INSYN2A: variants seen among roughly 807,000 people sequenced by gnomAD.
INSYN2A encodes the protein family with sequence similarity 196 member A.
In INSYN2A, 17 loss-of-function variants were observed where a neutral mutation model predicts 39.4. The ratio of observed to expected loss-of-function variants is 0.43; its 90% CI spans 0.30 to 0.65. INSYN2A has a LOEUF of 0.65. INSYN2A is among the 30% of genes least tolerant of loss of function. The pLI is 0.14. For missense variants in INSYN2A, 595 were observed against 631.2 expected (o/e 0.94, Z 0.61); for synonymous variants, 255 against 265.7 (o/e 0.96, Z 0.39).
chr10:127,162,448 T>C (rs1179018634), intron 4 of INSYN2A, among the ~76,000 whole-genome samples: 1 of 152,202 alleles, frequency 6.6e-6, no homozygotes, highest in East Asian at 1.9e-4. Flanking sequence ...CCTGGCAACC[T>C]CAACACAAAT....
chr10:127,174,497 C>T (rs767699898), intron 4 of INSYN2A, among the ~76,000 whole-genome samples: 70 of 152,136 alleles, frequency 4.6e-4, no homozygotes, highest in Non-Finnish European at 7.3e-4. Context: ...AACTTCAAAA[C>T]ATGAAGTGCA....
At chr10:127,192,504 C>A (rs1012217042) in intron 2 of INSYN2A, 101 bp downstream of exon 2, 1 of 152,180 alleles carries the variant, frequency 6.6e-6, no homozygotes, top group Non-Finnish European at 1.5e-5. Context: ...CATCTGATAA[C>A]ATCTTTATAC....
At chr10:127,145,669 G>A (rs2051744542) in intron 5 of INSYN2A, among the ~76,000 whole-genome samples, 1 of 152,086 alleles carries the variant, frequency 6.6e-6, no homozygotes, top group Admixed American at 6.5e-5. Flanking sequence ...TAGAGACATG[G>A]GTGACGTCCC....
chr10:127,142,690 A>T (rs2133313049), intron 5 of INSYN2A, among the ~76,000 whole-genome samples: 1 of 152,288 alleles, frequency 6.6e-6, no homozygotes, highest in South Asian at 2.1e-4. Context: ...TTACCTTTGT[A>T]GCCCTCTCGC....
chr10:127,180,564 A>T (rs2055628057), intron 2 of INSYN2A, among the ~76,000 whole-genome samples: 1 of 152,212 alleles, frequency 6.6e-6, no homozygotes, highest in African/African-American at 2.4e-5. Flanking sequence ...ATTAAATTTC[A>T]TAATCAAAGT....
intron 2 of INSYN2A, among the ~76,000 whole-genome samples, chr10:127,178,467 A>G (rs1411547311): frequency 6.6e-6 from 1 of 152,132 alleles, no homozygotes; most frequent in Admixed American, 6.6e-5. Flanking sequence ...GCTCCCTCCC[A>G]GTGTGACAAC....
At position 127,175,380 on chromosome 10, in the gene INSYN2A, G is replaced by A. The variant is rs144141274; in HGVS notation, c.1016C>T (p.Ala339Val). The change falls in exon 4 of 6, where the codon GCG becomes GTG. Residue 339 changes from alanine (A) to valine (V), a missense_variant. Ala to Val is a moderately conservative substitution (Grantham distance 64). Coordinates refer to ENST00000522781, the MANE Select transcript of INSYN2A (RefSeq NM_001039762.3). This position sits in a 1 kb window ranked among gnomAD's most constrained non-coding sequence, Gnocchi z 6.3. ...TTGGCATTCTTCACCTGCAGCAACC[G>A]CTGTGGGACTAGGCTGGTTCCCCAG... Reference protein sequence around the residue: ...PGLGNQPSPTAVAAGEECQRI... With the variant: ...PGLGNQPSPTVVAAGEECQRI... 55 of 1,613,902 alleles carry A rather than the reference G, an allele frequency of 3.4e-5. No homozygotes were observed. In the African/African-American group the frequency reaches 5.7e-4, roughly 17 times the overall value.
At chr10:127,155,441 C>T (rs555655537) in intron 4 of INSYN2A, among the ~76,000 whole-genome samples, 1 of 152,292 alleles carries the variant, frequency 6.6e-6, no homozygotes, top group South Asian at 2.1e-4. Flanking sequence ...ATTGGAATTA[C>T]AGTATGGCTG....
intron 4 of INSYN2A, among the ~76,000 whole-genome samples, chr10:127,172,724 G>A (rs951549180): frequency 6.6e-6 from 1 of 152,186 alleles, no homozygotes; most frequent in African/African-American, 2.4e-5. Context: ...CCGTGAGCTT[G>A]TGCTGGCAGC....
At chr10:127,158,782 A>G (rs1424177958) in intron 4 of INSYN2A, among the ~76,000 whole-genome samples, 2 of 152,190 alleles carry the variant, frequency 1.3e-5, no homozygotes, top group Admixed American at 6.5e-5. Context: ...GGCATTCACT[A>G]TGTATCGTCC....
chr10:127,146,913 G>C (rs750952086), intron 5 of INSYN2A, among the ~76,000 whole-genome samples: 2 of 152,162 alleles, frequency 1.3e-5, no homozygotes, highest in Non-Finnish European at 2.9e-5. Flanking sequence ...TCTGCCGGCT[G>C]TCTTGATCGT....
intron 4 of INSYN2A, among the ~76,000 whole-genome samples, chr10:127,170,224 T>G (rs891747667): frequency 6.6e-6 from 1 of 152,180 alleles, no homozygotes; most frequent in Non-Finnish European, 1.5e-5. Context: ...TTTTCTGTTT[T>G]TAATCATACT....
At chr10:127,141,817 T>G (rs1221911540) in intron 5 of INSYN2A, among the ~76,000 whole-genome samples, 1 of 152,228 alleles carries the variant, frequency 6.6e-6, no homozygotes, top group Non-Finnish European at 1.5e-5. Context: ...CAAATAGGGC[T>G]CTGCCTGGAG....
chr10:127,137,785 T>G lies in INSYN2A; in HGVS notation c.*52A>C. 1.3e-6 allele frequency: 2 copies of G among 1,522,504 alleles called. No individual in the cohort carries two copies. The highest frequency in any genetic ancestry group is 2.3e-5 in the East Asian group (1 of 44,340). The allele number at this position is 1,522,504 out of a possible 1,614,324, so 94.3% of individuals were successfully genotyped here. A position where few individuals can be genotyped will look rare whatever the true frequency, so the allele number is the denominator to read the frequency against. ...TATTCATTTTGGAAAAGTATTGACTTAAACTCCAGTGGGTTCTAAAGACGG... is the reference window on the plus strand; with the variant it reads ...TATTCATTTTGGAAAAGTATTGACTGAAACTCCAGTGGGTTCTAAAGACGG... On this transcript the variant is annotated 3_prime_UTR_variant, in exon 6 of 6. Coordinates refer to ENST00000522781, the MANE Select transcript of INSYN2A (RefSeq NM_001039762.3).
At chr10:127,184,660 A>C (rs910743307) in intron 2 of INSYN2A, among the ~76,000 whole-genome samples, 1 of 152,156 alleles carries the variant, frequency 6.6e-6, no homozygotes, top group Non-Finnish European at 1.5e-5. Context: ...TTGGCTACTC[A>C]GAAATGCTCC....
At position 127,148,779 on chromosome 10, in the gene INSYN2A, A is replaced by T. The variant is rs192435174; in HGVS notation, c.1256+5073T>A. ...ATTACGGCATATTTTGACAAGAAATATGGAAGATAAGCCAGAAAAGTTTTC... is the reference window on the plus strand; with the variant it reads ...ATTACGGCATATTTTGACAAGAAATTTGGAAGATAAGCCAGAAAAGTTTTC... On this transcript the variant is annotated intron_variant, in intron 5 of 5. Transcript: ENST00000522781. Among the ~76,000 whole-genome samples, 226 of 152,364 alleles carry T rather than the reference A, an allele frequency of 1.5e-3. 2 individuals carry two copies. The highest frequency in any genetic ancestry group is 5.0e-3 in the African/African-American group (206 of 41,596).
At chr10:127,149,157 A>C (rs1222286757) in intron 5 of INSYN2A, among the ~76,000 whole-genome samples, 2 of 152,150 alleles carry the variant, frequency 1.3e-5, no homozygotes, top group African/African-American at 4.8e-5. Flanking sequence ...CATCCCTTGC[A>C]TAATTGTAAA....
chr10:127,186,520 CCCCCG>C (rs1564883812), intron 2 of INSYN2A, among the ~76,000 whole-genome samples: 4 of 81,866 alleles, frequency 4.9e-5, no homozygotes, highest in African/African-American at 8.1e-5. Context: ...CCCCCGCCCC[CCCCCG>C]ATCCAGTTAC....
chr10:127,186,620 C>G (rs566353651), intron 2 of INSYN2A, among the ~76,000 whole-genome samples: 1 of 149,838 alleles, frequency 6.7e-6, no homozygotes, highest in Admixed American at 6.7e-5. Flanking sequence ...AGAGCCAAAC[C>G]GTATCAGAGG....
Sources: gnomAD v4.1 joint callset for allele counts (sites outside exome capture counted in the v4.1 genomes callset) on GRCh38, gnomAD v4.1.1 for gene constraint, Gnocchi (gnomAD v3.1) non-coding constraint, MANE v1.5 for transcripts, NCBI Gene and HGNC (gene_info 2026-07-23, HGNC 2026-07-21) for gene names.